The following TENM3 variants were observed in gnomAD, a reference collection of about 807,000 sequenced individuals.
TENM3 encodes the protein teneurin-3.
A neutral mutation model predicts 255.1 loss-of-function variants in TENM3; 63 were observed. The observed-to-expected ratio is 0.25, with a 90% confidence interval of 0.20 to 0.30. The LOEUF is 0.30. TENM3 is among the 10% of genes least tolerant of loss of function. TENM3 has a pLI of 1.00. For missense variants in TENM3, 2,929 were observed against 3,461.1 expected (o/e 0.85, Z 3.86); for synonymous variants, 1,306 against 1,322.3 (o/e 0.99, Z 0.27).
chr4:181,628,769 A>T, the TENM3 span, among the ~76,000 whole-genome samples: 1 of 152,170 alleles, frequency 6.6e-6, no homozygotes, highest in Non-Finnish European at 1.5e-5. Context: ...AGGTAGCGTG[A>T]TGCCTCCATC....
chr4:181,450,269 GTTCTA>G, the TENM3 span, among the ~76,000 whole-genome samples: 2 of 152,036 alleles, frequency 1.3e-5, no homozygotes, highest in Non-Finnish European at 2.9e-5. Context: ...GATACAATGG[GTTCTA>G]TTCTTTATGA....
the TENM3 span, among the ~76,000 whole-genome samples, chr4:182,023,358 T>G: frequency 3.3e-5 from 5 of 152,338 alleles, no homozygotes; most frequent in East Asian, 9.6e-4. Context: ...GCTTGATGAA[T>G]CTGAGAATAC....
chr4:182,595,496 A>G (rs373229086), intron 3 of TENM3, among the ~76,000 whole-genome samples: 1 of 152,206 alleles, frequency 6.6e-6, no homozygotes, highest in South Asian at 2.1e-4. Flanking sequence ...GGGTGACCGC[A>G]GTCTTTATTA....
At chr4:182,285,931 G>A (rs1005234672) in intron 1 of TENM3, among the ~76,000 whole-genome samples, 2 of 152,160 alleles carry the variant, frequency 1.3e-5, no homozygotes, top group Non-Finnish European at 2.9e-5. Context: ...TAAAATTGAT[G>A]ATGAACCACT....
chr4:181,920,490 G>A, the TENM3 span, among the ~76,000 whole-genome samples: 74 of 152,298 alleles, frequency 4.9e-4, no homozygotes, highest in African/African-American at 1.6e-3. Context: ...GCAAGTGATG[G>A]TGAGCATTTT....
At chr4:182,379,584 T>G (rs942071052) in intron 3 of TENM3, among the ~76,000 whole-genome samples, 1 of 149,420 alleles carries the variant, frequency 6.7e-6, no homozygotes, top group Non-Finnish European at 1.5e-5. Context: ...TGAAGATGTC[T>G]GAGGAGGAGA....
chr4:182,031,398 G>C, the TENM3 span, among the ~76,000 whole-genome samples: 1 of 152,092 alleles, frequency 6.6e-6, no homozygotes, highest in Non-Finnish European at 1.5e-5. Flanking sequence ...TCTCTTTTCT[G>C]TTCCTTTGGT....
intron 1 of TENM3, among the ~76,000 whole-genome samples, chr4:182,283,361 T>TTCA (rs1454621868): frequency 6.6e-6 from 1 of 152,226 alleles, no homozygotes; most frequent in East Asian, 1.9e-4. Context: ...GCAATTATTT[T>TTCA]TCACTGTTGT....
At chr4:181,603,610 T>C in the TENM3 span, among the ~76,000 whole-genome samples, 8 of 152,138 alleles carry the variant, frequency 5.3e-5, no homozygotes, top group Middle Eastern at 3.4e-3. Context: ...AAAAATGATA[T>C]GAAATATAGA....
intron 6 of TENM3, among the ~76,000 whole-genome samples, chr4:182,658,240 T>A (rs891765603): frequency 2.0e-5 from 3 of 152,220 alleles, no homozygotes; most frequent in African/African-American, 7.2e-5. Context: ...TTAGCTTCTG[T>A]GATACCACAT....
the TENM3 span, among the ~76,000 whole-genome samples, chr4:181,888,494 G>GTATATATATATATATATA: frequency 3.8e-3 from 108 of 28,098 alleles, 1 homozygote; most frequent in African/African-American, 6.3e-3. Context: ...ATAGAAATGT[G>GTATATATATATATATATA]TATATATATA....
chr4:182,120,647 G>A, the TENM3 span, among the ~76,000 whole-genome samples: 1 of 152,046 alleles, frequency 6.6e-6, no homozygotes, highest in Non-Finnish European at 1.5e-5. Flanking sequence ...CTTTAAAAAA[G>A]GTAGTCAAAT....
the TENM3 span, among the ~76,000 whole-genome samples, chr4:181,845,208 G>A: frequency 6.6e-6 from 1 of 152,044 alleles, no homozygotes; most frequent in Admixed American, 6.6e-5. Flanking sequence ...GTTTTAGTAA[G>A]CAGAATTTTT....
Position 182,778,540 on chromosome 4 carries a change from T to C in TENM3, c.5304+3387T>C, listed in dbSNP as rs1278037294. Among the ~76,000 whole-genome samples, 12 of 152,158 alleles carry C rather than the reference T, an allele frequency of 7.9e-5. No homozygotes were observed. The East Asian group carries it at 2.1e-3, about 27-fold the overall frequency. ...GTCTTGATATCGCCACCCAGTGTAC[T>C]GGGGAATGAGCCTGCCCTTCCTTAC... On this transcript the variant is annotated intron_variant, in intron 24 of 27. Coordinates refer to ENST00000511685, the MANE Select transcript of TENM3 (RefSeq NM_001080477.4).
chr4:181,663,648 C>T, the TENM3 span, among the ~76,000 whole-genome samples: 1 of 152,166 alleles, frequency 6.6e-6, no homozygotes, highest in Non-Finnish European at 1.5e-5. Flanking sequence ...ATGGGAAGAA[C>T]ATCCTTCAAA....
At chr4:182,514,465 A>C (rs935188474) in intron 3 of TENM3, among the ~76,000 whole-genome samples, 1 of 152,204 alleles carries the variant, frequency 6.6e-6, no homozygotes, top group East Asian at 1.9e-4. Context: ...CCATGTAGAA[A>C]TATCTAGTGA....
the TENM3 span, among the ~76,000 whole-genome samples, chr4:181,936,358 G>A: frequency 6.6e-6 from 1 of 152,162 alleles, no homozygotes; most frequent in Non-Finnish European, 1.5e-5. Context: ...CTGCACCACT[G>A]CCCTCCAGCC....
At chr4:182,586,583 A>G (rs1196562866) in intron 3 of TENM3, among the ~76,000 whole-genome samples, 1 of 152,162 alleles carries the variant, frequency 6.6e-6, no homozygotes, top group African/African-American at 2.4e-5. Context: ...CTATGATTCT[A>G]TTTTCCTTTT....
chr4:182,576,555 T>G (rs150820850), intron 3 of TENM3, among the ~76,000 whole-genome samples: 2 of 152,332 alleles, frequency 1.3e-5, no homozygotes, highest in East Asian at 3.9e-4. Context: ...TGAAAGATAC[T>G]TCTTAAATAC....
Sources: allele counts gnomAD v4.1 joint callset (sites outside exome capture counted in the v4.1 genomes callset), GRCh38; gene constraint gnomAD v4.1.1; transcripts MANE v1.5; gene names NCBI Gene and HGNC (gene_info 2026-07-23, HGNC 2026-07-21).